Variants in PACS1 observed in about 807,000 individuals in gnomAD.
PACS1 encodes the protein PACS-1.
A neutral mutation model predicts 115.0 loss-of-function variants in PACS1; 24 were observed. That is an observed-to-expected ratio of 0.21 (90% CI 0.15 to 0.29). The LOEUF is 0.29. PACS1 is among the 10% of genes least tolerant of loss of function. The pLI, the probability that PACS1 is intolerant of heterozygous loss-of-function variation, is 1.00. For missense variants in PACS1, 838 were observed against 1,251.2 expected (o/e 0.67, Z 4.98); for synonymous variants, 453 against 504.5 (o/e 0.90, Z 1.37).
intron 1 of PACS1, among the ~76,000 whole-genome samples, chr11:66,116,225 G>A (rs11227413): frequency 0.21 from 31,180 of 152,076 alleles, 3,280 homozygotes; most frequent in Middle Eastern, 0.28. Context: ...AGGGCAGAGC[G>A]AATAAGCAGG....
At chr11:66,120,508 C>G (rs185012702) in intron 1 of PACS1, among the ~76,000 whole-genome samples, 5 of 152,254 alleles carry the variant, frequency 3.3e-5, no homozygotes, top group Admixed American at 1.3e-4. Context: ...AGCTTTTCTA[C>G]TAGAATCAAC....
intron 1 of PACS1, among the ~76,000 whole-genome samples, chr11:66,159,982 G>A (rs1365059295): frequency 6.6e-6 from 1 of 152,066 alleles, no homozygotes; most frequent in African/African-American, 2.4e-5. Flanking sequence ...TACTTAGTGT[G>A]GTGAAGCAGA....
At chr11:66,222,288 C>T (rs1855368413) in intron 10 of PACS1, among the ~76,000 whole-genome samples, 1 of 151,958 alleles carries the variant, frequency 6.6e-6, no homozygotes. Flanking sequence ...CTTTATTGGG[C>T]CAAGAATCCA....
intron 1 of PACS1, among the ~76,000 whole-genome samples, chr11:66,146,955 G>C (rs768660437): frequency 7.2e-5 from 11 of 152,162 alleles, no homozygotes; most frequent in Non-Finnish European, 1.3e-4. Flanking sequence ...TACTCAGGAG[G>C]CTGAGGCAGG....
At chr11:66,178,669 CTG>C (rs1008337683) in intron 1 of PACS1, among the ~76,000 whole-genome samples, 41 of 151,838 alleles carry the variant, frequency 2.7e-4, no homozygotes, top group African/African-American at 7.7e-4. Context: ...TATGAAAAAA[CTG>C]TTTTAAAACA....
At chr11:66,158,059 T>C (rs1046897049) in intron 1 of PACS1, among the ~76,000 whole-genome samples, 1 of 152,176 alleles carries the variant, frequency 6.6e-6, no homozygotes, top group Admixed American at 6.5e-5. Flanking sequence ...CTCCTTCCCC[T>C]GGACTCAAGT....
At chr11:66,172,616 A>T (rs1859764759) in intron 1 of PACS1, among the ~76,000 whole-genome samples, 1 of 152,110 alleles carries the variant, frequency 6.6e-6, no homozygotes, top group Non-Finnish European at 1.5e-5. Flanking sequence ...TGGCAACCTC[A>T]CAAGAGATCC....
In PACS1 at chr11:66,240,443, G is replaced by A. The variant is rs1443130256; in HGVS notation, c.2430-984G>A. Among the ~76,000 whole-genome samples, 3 of 152,282 alleles carry A rather than the reference G, an allele frequency of 2.0e-5. No homozygotes were observed. In the East Asian group the frequency reaches 5.8e-4, roughly 29 times the overall value. ...CCGCCTTCGCCTCTTCCCTTTCCTT[G>A]TAGCAACAGCGAGGATGGCATTGGC... is the stretch of plus-strand genomic sequence containing the variant. On this transcript the variant is annotated intron_variant, in intron 21 of 23. Transcript: ENST00000320580.
rs529677078 is a variant in PACS1 at position 66,162,703 on chromosome 11, AGCTTTAGGAGATGAAAACAAG to A, written c.357-30780_357-30760del. On this transcript the variant is annotated intron_variant, in intron 1 of 23. Coordinates refer to ENST00000320580, the MANE Select transcript of PACS1 (RefSeq NM_018026.4). ...CAAGTTTGTGGTAATTTGTTGTGGC[AGCTTTAGGAGATGAAAACAAG>A]GCATAATTTGAAGTTGTCAATGGGA... Among the ~76,000 whole-genome samples, 782 of 152,360 alleles carry A rather than the reference AGCTTTAGGAGATGAAAACAAG, an allele frequency of 5.1e-3. 8 individuals are homozygous for A. Among genetic ancestry groups the A allele is most frequent in the African/African-American group, 0.018 (743 of 41,588 alleles).
At chr11:66,239,512 T>C (rs746786538) in intron 21 of PACS1, among the ~76,000 whole-genome samples, 6 of 152,116 alleles carry the variant, frequency 3.9e-5, no homozygotes, top group Non-Finnish European at 7.4e-5. Context: ...AGCAAGACCC[T>C]GTCTCTCAAA....
intron 2 of PACS1, among the ~76,000 whole-genome samples, chr11:66,203,114 A>G (rs1854854919): frequency 6.6e-6 from 1 of 152,194 alleles, no homozygotes; most frequent in Non-Finnish European, 1.5e-5. Flanking sequence ...GGAAAAACCT[A>G]CACTTCACAA....
intron 1 of PACS1, among the ~76,000 whole-genome samples, chr11:66,149,903 C>A (rs577406461): frequency 1.3e-5 from 2 of 152,218 alleles, no homozygotes; most frequent in South Asian, 4.1e-4. Flanking sequence ...GCATGCACCA[C>A]CACACCTGGC....
chr11:66,160,347 T>A (rs1859458934), intron 1 of PACS1, among the ~76,000 whole-genome samples: 1 of 152,204 alleles, frequency 6.6e-6, no homozygotes, highest in Admixed American at 6.5e-5. Context: ...AAGATTAAAT[T>A]ATATACATTG....
At chr11:66,152,401 C>A (rs114301144) in intron 1 of PACS1, among the ~76,000 whole-genome samples, 237 of 152,152 alleles carry the variant, frequency 1.6e-3, no homozygotes, top group African/African-American at 5.6e-3. Context: ...ATCAGGTAGC[C>A]TAACATAAGT....
intron 1 of PACS1, among the ~76,000 whole-genome samples, chr11:66,094,608 A>T (rs973431779): frequency 5.9e-5 from 9 of 152,360 alleles, no homozygotes; most frequent in African/African-American, 2.2e-4. Context: ...GCTGAATTCT[A>T]CCAGAGGTAC....
intron 1 of PACS1, among the ~76,000 whole-genome samples, chr11:66,144,023 G>T (rs998703587): frequency 6.6e-6 from 1 of 152,220 alleles, no homozygotes; most frequent in Non-Finnish European, 1.5e-5. Context: ...ACTGTGTGAA[G>T]TAAATGTGTT....
At chr11:66,177,911 T>C (rs1189402610) in intron 1 of PACS1, among the ~76,000 whole-genome samples, 5 of 152,240 alleles carry the variant, frequency 3.3e-5, no homozygotes, top group African/African-American at 1.2e-4. Flanking sequence ...ATAGTATTTG[T>C]ATTCAACAAT....
intron 1 of PACS1, among the ~76,000 whole-genome samples, chr11:66,162,864 G>A (rs1362890449): frequency 1.3e-5 from 2 of 152,172 alleles, no homozygotes; most frequent in African/African-American, 4.8e-5. Context: ...GGTTGGAGAA[G>A]TCAAAGATAC....
chr11:66,142,582 A>G (rs926158421), intron 1 of PACS1, among the ~76,000 whole-genome samples: 1 of 151,058 alleles, frequency 6.6e-6, no homozygotes, highest in Non-Finnish European at 1.5e-5. Flanking sequence ...TGCTGGGACT[A>G]CAGGCGTGAG....
Sources: gnomAD v4.1 joint callset for allele counts (sites outside exome capture counted in the v4.1 genomes callset) on GRCh38, gnomAD v4.1.1 for gene constraint, MANE v1.5 for transcripts, NCBI Gene and HGNC (gene_info 2026-07-23, HGNC 2026-07-21) for gene names.